Variants in GFRA1 observed in about 807,000 individuals in gnomAD.
GFRA1 encodes the protein GDNF family receptor alpha-1.
A neutral mutation model predicts 51.6 loss-of-function variants in GFRA1; 16 were observed. That is an observed-to-expected ratio of 0.31 (90% confidence interval 0.21 to 0.47). GFRA1 has a LOEUF of 0.47. Ranked by LOEUF, GFRA1 falls within the 20% of genes least tolerant of loss-of-function variation. The probability of loss-of-function intolerance (pLI) is 1.00; values close to 1 mark genes in which losing one functional copy is unlikely to be tolerated. For missense variants in GFRA1, 530 were observed against 594.3 expected (o/e 0.89, Z 1.13); for synonymous variants, 270 against 241.3 (o/e 1.12, Z -1.10).
At chr10:116,177,376 T>A (rs990112891) in intron 5 of GFRA1, among the ~76,000 whole-genome samples, 2 of 152,100 alleles carry the variant, frequency 1.3e-5, no homozygotes, top group Non-Finnish European at 2.9e-5. Context: ...GACACAGGAA[T>A]GGCAGACAAG....
intron 4 of GFRA1, among the ~76,000 whole-genome samples, chr10:116,214,116 G>A (rs900490799): frequency 4.7e-4 from 3 of 6,402 alleles, no homozygotes; most frequent in African/African-American, 5.0e-4. Context: ...TTTCACCTGC[G>A]CTTGCTTCTG....
rs1969935339 is a variant in GFRA1, at chr10:116,269,570, C to T, written c.351G>A (p.Glu117=). 4 of 1,601,036 alleles carry T rather than the reference C, an allele frequency of 2.5e-6. No homozygotes were observed. The highest frequency in any genetic ancestry group is 3.4e-6 in the Non-Finnish European group (4 of 1,168,058). Residue 117 remains glutamate, a synonymous_variant, in exon 4 of 11, where the codon GAG becomes GAA. Coordinates refer to ENST00000355422, the MANE Select transcript of GFRA1 (RefSeq NM_005264.8). Reference sequence around the variant, plus strand: ...TGTTAACTGGTTCATATGGGGAATCCTCCAGCAGATCATTTCCTAAAAACA... The same window carrying T: ...TGTTAACTGGTTCATATGGGGAATCTTCCAGCAGATCATTTCCTAAAAACA... ...YQSLQGNDLL[E]DSPYEPVNSR...
In GFRA1 at chr10:116,061,793, T is replaced by G. The variant is rs1246442046; in HGVS notation, c.*2605A>C. On this transcript the variant is annotated 3_prime_UTR_variant, in exon 11 of 11. Transcript: ENST00000355422. ...GCCAAGAAGAAGTGAGACAGGTAAA[T>G]GATTTAACTTATTGTGCTCCAGTTC... is the stretch of plus-strand genomic sequence containing the variant. 2 of 393,226 alleles carry G rather than the reference T, an allele frequency of 5.1e-6. No homozygotes were observed. The highest frequency in any genetic ancestry group is 9.0e-6 in the Non-Finnish European group (2 of 223,110). 24.4% of individuals were successfully genotyped at this position (393,226 alleles called of 1,614,324 possible). A position where few individuals can be genotyped will look rare whatever the true frequency, so the allele number is the denominator to read the frequency against.
At chr10:116,073,834 T>TA (rs1174181984) in intron 9 of GFRA1, among the ~76,000 whole-genome samples, 1 of 152,122 alleles carries the variant, frequency 6.6e-6, no homozygotes, top group African/African-American at 2.4e-5. Flanking sequence ...CTCTGTGACT[T>TA]ATGGTGGTAA....
Position 116,271,346 on chromosome 10 carries a change from G to T in GFRA1, c.41-231C>A, listed in dbSNP as rs1589929896. Reference sequence around the variant, plus strand: ...CGCAAGGAAGAGTGGCGCAGGCTCAGCCCGCGGGCTTCAAGGGTTTGCTCC... The same window carrying T: ...CGCAAGGAAGAGTGGCGCAGGCTCATCCCGCGGGCTTCAAGGGTTTGCTCC... On this transcript the variant is annotated intron_variant, in intron 2 of 10. Transcript: ENST00000355422. Among the ~76,000 whole-genome samples, 5 of 152,254 alleles carry T rather than the reference G, an allele frequency of 3.3e-5. No homozygotes were observed. In the Middle Eastern group the frequency reaches 0.014, roughly 414 times the overall value.
At chr10:116,113,110 C>G (rs527949168) in intron 6 of GFRA1, among the ~76,000 whole-genome samples, 12 of 152,194 alleles carry the variant, frequency 7.9e-5, no homozygotes, top group Admixed American at 2.6e-4. Context: ...ACTTTTCTCT[C>G]TCTCTCTCCC....
chr10:116,088,458 G>A (rs1004834942), intron 9 of GFRA1, among the ~76,000 whole-genome samples: 3 of 152,102 alleles, frequency 2.0e-5, no homozygotes, highest in African/African-American at 2.4e-5. Flanking sequence ...CAGAAAGAAC[G>A]AGGCTCCTGG....
chr10:116,120,157 T>G (rs976028938), intron 6 of GFRA1, among the ~76,000 whole-genome samples: 7 of 152,164 alleles, frequency 4.6e-5, no homozygotes, highest in Non-Finnish European at 5.9e-5. Context: ...AACAAGTGTA[T>G]CATATCTCCA....
At chr10:116,101,830 C>T (rs917614998) in intron 6 of GFRA1, among the ~76,000 whole-genome samples, 7 of 152,144 alleles carry the variant, frequency 4.6e-5, no homozygotes, top group East Asian at 1.9e-4. Flanking sequence ...ATCCAGGCTC[C>T]GACTCATGAA....
chr10:116,080,545 A>G (rs1955805737), intron 9 of GFRA1, among the ~76,000 whole-genome samples: 1 of 152,244 alleles, frequency 6.6e-6, no homozygotes, highest in Admixed American at 6.5e-5. Context: ...CTCTAGAATT[A>G]AAATTATATT....
chr10:116,107,486 A>T (rs1462433371), intron 6 of GFRA1, among the ~76,000 whole-genome samples: 1 of 152,178 alleles, frequency 6.6e-6, no homozygotes, highest in Non-Finnish European at 1.5e-5. Context: ...CTTTATTCCC[A>T]CCATTAAGAC....
At chr10:116,067,912 C>A (rs1242910939) in intron 9 of GFRA1, among the ~76,000 whole-genome samples, 1 of 152,206 alleles carries the variant, frequency 6.6e-6, no homozygotes, top group Non-Finnish European at 1.5e-5. Context: ...CAAGTCTGTG[C>A]AGTCGCCAAG....
At chr10:116,149,129 T>C (rs971031766) in intron 5 of GFRA1, among the ~76,000 whole-genome samples, 10 of 152,152 alleles carry the variant, frequency 6.6e-5, no homozygotes, top group African/African-American at 2.4e-4. Flanking sequence ...AGGATGCTCC[T>C]GGAAAACAGG....
At chr10:116,186,566 CTCTTAA>C (rs113906506) in intron 5 of GFRA1, among the ~76,000 whole-genome samples, 3,013 of 75,948 alleles carry the variant, frequency 0.04, 100 homozygotes, top group African/African-American at 0.11. Flanking sequence ...AGAGGAAAGG[CTCTTAA>C]AAAAAAAAAA....
chr10:116,271,844 G>C (rs1374520605), intron 2 of GFRA1, 146 bp downstream of exon 2: 1 of 732,064 alleles, frequency 1.4e-6, no homozygotes, highest in East Asian at 2.7e-5. Context: ...GGGGATTCGC[G>C]ATCCCATTCC....
chr10:116,086,086 G>A (rs1428048670), intron 9 of GFRA1, among the ~76,000 whole-genome samples: 1 of 152,218 alleles, frequency 6.6e-6, no homozygotes, highest in Non-Finnish European at 1.5e-5. Flanking sequence ...TTCTGGATAT[G>A]TCACAAGGCT....
intron 9 of GFRA1, among the ~76,000 whole-genome samples, chr10:116,067,440 T>G (rs1425253744): frequency 6.6e-6 from 1 of 152,210 alleles, no homozygotes; most frequent in East Asian, 1.9e-4. Context: ...ATGCATTATG[T>G]CCTCAAGTTC....
intron 9 of GFRA1, among the ~76,000 whole-genome samples, chr10:116,084,913 T>C (rs1030215564): frequency 6.0e-5 from 9 of 150,574 alleles, no homozygotes; most frequent in Middle Eastern, 3.4e-3. Flanking sequence ...TTCTTTGTTT[T>C]CCATATGACC....
At chr10:116,220,389 G>A (rs932589360) in intron 4 of GFRA1, among the ~76,000 whole-genome samples, 3 of 152,136 alleles carry the variant, frequency 2.0e-5, no homozygotes, top group Non-Finnish European at 4.4e-5. Flanking sequence ...AGCCAGCTCT[G>A]TGTGATCCAG....
Sources: allele counts gnomAD v4.1 joint callset (sites outside exome capture counted in the v4.1 genomes callset), GRCh38; gene constraint gnomAD v4.1.1; transcripts MANE v1.5; gene names NCBI Gene and HGNC (gene_info 2026-07-23, HGNC 2026-07-21).